Variants in CFAP299 observed in about 807,000 individuals in gnomAD.
The protein encoded by CFAP299 is cilia and flagella associated protein 299.
In CFAP299, 21 loss-of-function variants were observed where a neutral mutation model predicts 27.0. The observed-to-expected ratio is 0.78, with a 90% CI of 0.55 to 1.12. The LOEUF (loss-of-function observed/expected upper bound fraction) is 1.12, where lower values mean the gene tolerates loss of function less well. Ranked by LOEUF, CFAP299 falls within the 50% of genes most tolerant of loss-of-function variation. The pLI, the probability that CFAP299 is intolerant of heterozygous loss-of-function variation, is 0.00. For missense variants in CFAP299, 310 were observed against 276.6 expected, an observed-to-expected ratio of 1.12 and a Z score of -0.86; for synonymous variants, 104 against 98.1, an observed-to-expected ratio of 1.06 and a Z score of -0.36.
intron 4 of CFAP299, among the ~76,000 whole-genome samples, chr4:80,877,213 T>C (rs1332299773): frequency 1.3e-5 from 2 of 152,188 alleles, no homozygotes; most frequent in Admixed American, 1.3e-4. Flanking sequence ...TTTTGTAATA[T>C]CTACTTGGAA....
intron 3 of CFAP299, among the ~76,000 whole-genome samples, chr4:80,775,501 A>T (rs1356363814): frequency 6.6e-6 from 1 of 151,974 alleles, no homozygotes; most frequent in Non-Finnish European, 1.5e-5. Flanking sequence ...TGTTTGGTTG[A>T]TGTATTTTTA....
intron 3 of CFAP299, among the ~76,000 whole-genome samples, chr4:80,776,434 A>G (rs1462834840): frequency 1.3e-5 from 2 of 152,106 alleles, no homozygotes. Context: ...ATGCAAATAT[A>G]TTTATATGAA....
intron 3 of CFAP299, among the ~76,000 whole-genome samples, chr4:80,810,246 A>T (rs1365684272): frequency 6.6e-6 from 1 of 151,872 alleles, no homozygotes; most frequent in Non-Finnish European, 1.5e-5. Flanking sequence ...CATATTTGTT[A>T]ACGTTCCCTA....
intron 2 of CFAP299, among the ~76,000 whole-genome samples, chr4:80,399,848 A>G (rs1323988192): frequency 6.6e-6 from 1 of 152,166 alleles, no homozygotes; most frequent in Non-Finnish European, 1.5e-5. Flanking sequence ...ATAATAAAAA[A>G]AATTTAAATG....
intron 2 of CFAP299, among the ~76,000 whole-genome samples, chr4:80,419,737 G>A (rs189491627): frequency 3.6e-4 from 54 of 152,062 alleles, no homozygotes; most frequent in Non-Finnish European, 1.5e-5. Flanking sequence ...TGGGATTGTT[G>A]GATCATATGT....
chr4:80,911,568 T>C (rs945664814), intron 4 of CFAP299, among the ~76,000 whole-genome samples: 2 of 152,150 alleles, frequency 1.3e-5, no homozygotes, highest in Non-Finnish European at 2.9e-5. Flanking sequence ...ACTGAGTGCA[T>C]TCATCATTCA....
chr4:80,588,438 G>A (rs1000652010), intron 3 of CFAP299, among the ~76,000 whole-genome samples: 4 of 150,996 alleles, frequency 2.6e-5, no homozygotes, highest in African/African-American at 7.4e-5. Flanking sequence ...GTAATCTTAT[G>A]TAAGCAAAAC....
rs1408797316 is a variant in CFAP299, at chr4:80,485,138, C to T, written c.243-97955C>T. 6.6e-5 allele frequency among the ~76,000 whole-genome samples: 10 copies of T among 152,068 alleles called. No individual in the cohort carries two copies. In the South Asian group the frequency reaches 2.1e-3, roughly 32 times the overall value. ...CTGATATGATGCTTTATGTATTTCA[C>T]AGCACCACCAATGACGTATTTTTAC... is the stretch of plus-strand genomic sequence containing the variant. On this transcript the variant is annotated intron_variant, in intron 2 of 5. Coordinates refer to ENST00000358105, the MANE Select transcript of CFAP299 (RefSeq NM_152770.3).
At chr4:80,810,864 G>A (rs983114803) in intron 3 of CFAP299, among the ~76,000 whole-genome samples, 1 of 152,080 alleles carries the variant, frequency 6.6e-6, no homozygotes. Context: ...ACACTTCACT[G>A]ATTAAATCAC....
chr4:80,669,858 C>T (rs1183916252), intron 3 of CFAP299, among the ~76,000 whole-genome samples: 1 of 151,696 alleles, frequency 6.6e-6, no homozygotes, highest in Non-Finnish European at 1.5e-5. Flanking sequence ...GTTTCATTCC[C>T]TCCACTCCCA....
intron 3 of CFAP299, among the ~76,000 whole-genome samples, chr4:80,779,813 T>C (rs150817701): frequency 6.6e-4 from 100 of 152,150 alleles, no homozygotes; most frequent in African/African-American, 2.3e-3. Context: ...CTTTTATTTA[T>C]TTACTCACTT....
At chr4:80,958,411 T>G (rs1738175140) in intron 5 of CFAP299, among the ~76,000 whole-genome samples, 1 of 152,170 alleles carries the variant, frequency 6.6e-6, no homozygotes, top group African/African-American at 2.4e-5. Flanking sequence ...CTTACTGAAC[T>G]GATGCAGATC....
rs184201432 is a variant in CFAP299, at chr4:80,628,029, G to A, written c.333+44846G>A. Among the ~76,000 whole-genome samples the A allele has an allele frequency of 5.1e-3, 771 of 151,970 alleles. 4 individuals carry two copies. The highest frequency in any genetic ancestry group is 0.02 in the Middle Eastern group (6 of 294). ...AACAAAAAATTCCTGAAAAGCCAAA[G>A]CATTTTGAACAAGAAGAAGAAAGCT... is the stretch of plus-strand genomic sequence containing the variant. On this transcript the variant is annotated intron_variant, in intron 3 of 5. Transcript: ENST00000358105.
chr4:80,323,743 G>T, the CFAP299 span, among the ~76,000 whole-genome samples: 1 of 151,988 alleles, frequency 6.6e-6, no homozygotes, highest in African/African-American at 2.4e-5. Context: ...AATTATGCAG[G>T]TCAATCTTCC....
At chr4:80,382,314 T>C (rs146311035) in intron 2 of CFAP299, among the ~76,000 whole-genome samples, 1 of 152,282 alleles carries the variant, frequency 6.6e-6, no homozygotes, top group East Asian at 1.9e-4. Flanking sequence ...CAACAGCAAT[T>C]GCAATGAAAG....
intron 3 of CFAP299, among the ~76,000 whole-genome samples, chr4:80,696,508 TAATA>T (rs969384369): frequency 1.3e-4 from 20 of 151,938 alleles, no homozygotes; most frequent in Non-Finnish European, 2.5e-4. Flanking sequence ...CAAATAAAAA[TAATA>T]AATAAATAAA....
chr4:80,421,527 C>CA (rs1727284351), intron 2 of CFAP299, among the ~76,000 whole-genome samples: 1 of 152,200 alleles, frequency 6.6e-6, no homozygotes, highest in Non-Finnish European at 1.5e-5. Context: ...TTATTACTTA[C>CA]AGTCAAATGA....
At position 80,687,340 on chromosome 4, in the gene CFAP299, T is replaced by A. The variant is rs1410027814; in HGVS notation, c.333+104157T>A. 2.6e-5 allele frequency among the ~76,000 whole-genome samples: 4 copies of A among 152,180 alleles called. No homozygotes were observed. In the East Asian group the frequency reaches 5.8e-4, roughly 22 times the overall value. On this transcript the variant is annotated intron_variant, in intron 3 of 5. Coordinates refer to ENST00000358105, the MANE Select transcript of CFAP299 (RefSeq NM_152770.3). ...AGTTTTTTTTTATAGTATCTCAGAA[T>A]TTCATACCTAATAGGAGCTTTGTAA...
chr4:80,923,931 A>T (rs1736171612), intron 4 of CFAP299, among the ~76,000 whole-genome samples: 1 of 152,012 alleles, frequency 6.6e-6, no homozygotes, highest in Non-Finnish European at 1.5e-5. Flanking sequence ...TCGTTTAGAG[A>T]TCCATTATGA....
Sources: gnomAD v4.1 joint callset for allele counts (sites outside exome capture counted in the v4.1 genomes callset) on GRCh38, gnomAD v4.1.1 for gene constraint, MANE v1.5 for transcripts, NCBI Gene and HGNC (gene_info 2026-07-23, HGNC 2026-07-21) for gene names.